Variants in GRID1 observed in about 807,000 individuals in gnomAD.
GRID1 encodes the protein glutamate ionotropic receptor delta type subunit 1.
A neutral mutation model predicts 98.0 loss-of-function variants in GRID1; 28 were observed. That is an observed-to-expected ratio of 0.29 (90% CI 0.21 to 0.39). The LOEUF (loss-of-function observed/expected upper bound fraction) is 0.39. Ranked by LOEUF, GRID1 falls within the 10% of genes least tolerant of loss-of-function variation. The pLI is 1.00. For missense variants in GRID1, 1,111 were observed against 1,340.5 expected (o/e 0.83, Z 2.67); for synonymous variants, 553 against 538.5 (o/e 1.03, Z -0.37).
chr10:85,699,167 C>T (rs1458345140), intron 12 of GRID1, among the ~76,000 whole-genome samples: 1 of 152,090 alleles, frequency 6.6e-6, no homozygotes, highest in Non-Finnish European at 1.5e-5. Context: ...ATTCTCCTGC[C>T]TCAGCTTTCC....
intron 12 of GRID1, among the ~76,000 whole-genome samples, chr10:85,679,356 CA>C: frequency 6.6e-6 from 1 of 152,286 alleles, no homozygotes; most frequent in Middle Eastern, 3.4e-3. Flanking sequence ...ACAGTATATC[CA>C]GTAGGAATTC....
chr10:85,712,549 G>A (rs1039327620), intron 12 of GRID1, among the ~76,000 whole-genome samples: 1 of 151,786 alleles, frequency 6.6e-6, no homozygotes, highest in Non-Finnish European at 1.5e-5. Flanking sequence ...AAGCAGACTT[G>A]CACAACAATA....
chr10:85,634,544 G>T (rs183344044), intron 13 of GRID1, among the ~76,000 whole-genome samples: 1 of 151,996 alleles, frequency 6.6e-6, no homozygotes, highest in Non-Finnish European at 1.5e-5. Flanking sequence ...CTAATTTTCA[G>T]GAAAATAATT....
At chr10:86,174,637 A>C (rs943438131) in intron 3 of GRID1, among the ~76,000 whole-genome samples, 10 of 152,200 alleles carry the variant, frequency 6.6e-5, no homozygotes, top group African/African-American at 2.4e-4. Flanking sequence ...CAAAATTGAC[A>C]AATAGGATCT....
intron 8 of GRID1, among the ~76,000 whole-genome samples, chr10:85,848,864 G>A (rs1843031859): frequency 6.6e-6 from 1 of 152,210 alleles, no homozygotes; most frequent in Non-Finnish European, 1.5e-5. Flanking sequence ...GTTCAGAACG[G>A]TTGACATTTT....
At position 86,131,879 on chromosome 10, in the gene GRID1, C is replaced by A. The variant is rs1844843602; in HGVS notation, c.726+6940G>T. ...AGAAGTCGGTGCTCCTGGGGTCCCA[C>A]CCTCCATCTGTTTACCAACCATAAT... On this transcript the variant is annotated intron_variant, in intron 4 of 15. Coordinates refer to ENST00000327946, the MANE Select transcript of GRID1 (RefSeq NM_017551.3). Among the ~76,000 whole-genome samples the A allele has an allele frequency of 1.1e-4, 16 of 152,192 alleles. No homozygotes were observed. In the South Asian group the frequency reaches 3.1e-3, roughly 30 times the overall value.
At chr10:85,772,621 T>C (rs1442417459) in intron 8 of GRID1, among the ~76,000 whole-genome samples, 12 of 151,962 alleles carry the variant, frequency 7.9e-5, no homozygotes, top group Non-Finnish European at 1.5e-4. Flanking sequence ...ATAGACGCAA[T>C]AAAAAATGAT....
intron 3 of GRID1, among the ~76,000 whole-genome samples, chr10:86,158,579 C>T (rs1589391688): frequency 6.6e-6 from 1 of 152,174 alleles, no homozygotes; most frequent in African/African-American, 2.4e-5. Flanking sequence ...TGTGAGGTCA[C>T]GGAGGTACCA....
At chr10:86,360,479 G>A (rs1848586138) in intron 2 of GRID1, among the ~76,000 whole-genome samples, 1 of 152,032 alleles carries the variant, frequency 6.6e-6, no homozygotes, top group Non-Finnish European at 1.5e-5. Flanking sequence ...ATTAATACAT[G>A]CTCATTGCAG....
At position 85,956,071 on chromosome 10, in the gene GRID1, G is replaced by C. The variant is rs563008028; in HGVS notation, c.727-39832C>G. ...CCATAGTCCTGATGTGGTTACTCAG[G>C]GCATGCAATGTCCAAGCCCCTGGGC... On this transcript the variant is annotated intron_variant, in intron 4 of 15. Transcript: ENST00000327946. 2.0e-5 allele frequency among the ~76,000 whole-genome samples: 3 copies of C among 152,292 alleles called. No homozygotes were observed. In the South Asian group the frequency reaches 6.2e-4, roughly 32 times the overall value.
At chr10:85,723,872 A>G (rs1050052505) in intron 11 of GRID1, among the ~76,000 whole-genome samples, 1 of 152,228 alleles carries the variant, frequency 6.6e-6, no homozygotes, top group East Asian at 1.9e-4. Flanking sequence ...TCCAGTCAAA[A>G]TGGCACAATC....
chr10:86,303,788 A>G (rs1426005040), intron 2 of GRID1, among the ~76,000 whole-genome samples: 2 of 152,182 alleles, frequency 1.3e-5, no homozygotes, highest in Non-Finnish European at 2.9e-5. Flanking sequence ...TCTTCTGGGC[A>G]CTCAGATGTC....
At position 85,673,615 on chromosome 10, in the gene GRID1, G is replaced by A. The variant is rs570405103; in HGVS notation, c.1998-26218C>T. Among the ~76,000 whole-genome samples the A allele has an allele frequency of 6.6e-5, 10 of 152,296 alleles. No homozygotes were observed. The East Asian group carries it at 7.7e-4, about 12-fold the overall frequency. ...ATTACAACTCACTGAAGGCTCAGGT[G>A]GGGGTTAGTACTTTTGAGCATAAGG... is the stretch of plus-strand genomic sequence containing the variant. On this transcript the variant is annotated intron_variant, in intron 12 of 15. Coordinates refer to ENST00000327946, the MANE Select transcript of GRID1 (RefSeq NM_017551.3).
At chr10:86,221,788 C>CA (rs1282933414) in intron 2 of GRID1, among the ~76,000 whole-genome samples, 1 of 152,182 alleles carries the variant, frequency 6.6e-6, no homozygotes, top group South Asian at 2.1e-4. Context: ...CCAGGAGCAG[C>CA]AGGGAGCCTT....
chr10:86,349,336 A>G (rs1056050954), intron 2 of GRID1, among the ~76,000 whole-genome samples: 1 of 152,180 alleles, frequency 6.6e-6, no homozygotes, highest in Non-Finnish European at 1.5e-5. Context: ...ACAAGCTTAT[A>G]CCGCCAGCAC....
intron 4 of GRID1, among the ~76,000 whole-genome samples, chr10:86,092,828 C>T (rs1433384445): frequency 1.3e-5 from 2 of 152,194 alleles, no homozygotes; most frequent in Non-Finnish European, 2.9e-5. Flanking sequence ...GACAGGTCAT[C>T]AAGACCGAAA....
intron 4 of GRID1, among the ~76,000 whole-genome samples, chr10:86,125,127 C>T: frequency 6.6e-6 from 1 of 152,238 alleles, no homozygotes; most frequent in Non-Finnish European, 1.5e-5. Flanking sequence ...GTGCTGCACC[C>T]ACAGCAAGGA....
chr10:85,947,787 G>A (rs1449305551), intron 4 of GRID1, among the ~76,000 whole-genome samples: 1 of 152,196 alleles, frequency 6.6e-6, no homozygotes, highest in Non-Finnish European at 1.5e-5. Flanking sequence ...AAAGAAAGAG[G>A]GTCAGACGTC....
At chr10:86,040,085 G>A (rs938016665) in intron 4 of GRID1, among the ~76,000 whole-genome samples, 10 of 152,152 alleles carry the variant, frequency 6.6e-5, no homozygotes, top group African/African-American at 2.4e-4. Flanking sequence ...CTGTTGTGGG[G>A]CCTGAAAAAG....
Sources: gnomAD v4.1 joint callset for allele counts (sites outside exome capture counted in the v4.1 genomes callset) on GRCh38, gnomAD v4.1.1 for gene constraint, MANE v1.5 for transcripts, NCBI Gene and HGNC (gene_info 2026-07-23, HGNC 2026-07-21) for gene names.